The following TTC28 variants were observed in gnomAD, a reference collection of about 807,000 sequenced individuals.
TTC28 encodes tetratricopeptide repeat domain 28.
Under a neutral mutation model 198.0 loss-of-function variants are expected in TTC28, and 61 were observed. The ratio of observed to expected loss-of-function variants is 0.31; its 90% CI spans 0.25 to 0.38. The LOEUF (loss-of-function observed/expected upper bound fraction) is 0.38, where lower values mean the gene tolerates loss of function less well. TTC28 is among the 10% of genes least tolerant of loss of function. The pLI, the probability that TTC28 is intolerant of heterozygous loss-of-function variation, is 1.00. For missense variants in TTC28, 2,678 were observed against 3,164.0 expected (o/e 0.85, Z 3.69); for synonymous variants, 1,171 against 1,297.8 (o/e 0.90, Z 2.10).
chr22:28,452,271 T>C (rs1011568945), intron 2 of TTC28, among the ~76,000 whole-genome samples: 2 of 151,212 alleles, frequency 1.3e-5, no homozygotes, highest in Non-Finnish European at 2.9e-5. Flanking sequence ...GCACCTGTAG[T>C]CCCAGCTACC....
At chr22:28,397,560 A>G (rs2146089796) in intron 2 of TTC28, among the ~76,000 whole-genome samples, 1 of 152,272 alleles carries the variant, frequency 6.6e-6, no homozygotes, top group East Asian at 1.9e-4. Context: ...TAGTATACAA[A>G]CCACGGATGC....
chr22:28,350,362 T>C (rs2045973071), intron 2 of TTC28, among the ~76,000 whole-genome samples: 1 of 152,232 alleles, frequency 6.6e-6, no homozygotes, highest in Non-Finnish European at 1.5e-5. Flanking sequence ...TTTTAGCTTT[T>C]TTCAAGGACT....
chr22:28,147,937 T>C (rs1002265701), intron 6 of TTC28, among the ~76,000 whole-genome samples: 2 of 152,220 alleles, frequency 1.3e-5, no homozygotes, highest in African/African-American at 4.8e-5. Context: ...AGACTAGATG[T>C]TAAATACAGA....
intron 12 of TTC28, among the ~76,000 whole-genome samples, chr22:28,068,074 T>C (rs1416619924): frequency 6.6e-6 from 1 of 152,174 alleles, no homozygotes; most frequent in Admixed American, 6.5e-5. Context: ...AATACTGTTA[T>C]ACACCCCAGG....
intron 2 of TTC28, among the ~76,000 whole-genome samples, chr22:28,554,111 A>G (rs1601559285): frequency 6.6e-6 from 1 of 152,210 alleles, no homozygotes; most frequent in East Asian, 1.9e-4. Flanking sequence ...TGCTGTGTCC[A>G]CTCAGGGTTA....
At chr22:28,030,793 T>G (rs1216952789) in intron 12 of TTC28, among the ~76,000 whole-genome samples, 1 of 152,246 alleles carries the variant, frequency 6.6e-6, no homozygotes, top group African/African-American at 2.4e-5. Context: ...GTCCAGTCCA[T>G]TCCAGAAACA....
At chr22:28,043,027 C>T (rs1939716578) in intron 12 of TTC28, among the ~76,000 whole-genome samples, 1 of 151,880 alleles carries the variant, frequency 6.6e-6, no homozygotes, top group South Asian at 2.1e-4. Context: ...AGGTGGATCA[C>T]GAGGTCAGGA....
chr22:28,271,076 C>T (rs73882722), intron 5 of TTC28, among the ~76,000 whole-genome samples: 3 of 151,566 alleles, frequency 2.0e-5, no homozygotes, highest in East Asian at 3.9e-4. Flanking sequence ...AGGTAAATTG[C>T]AAAAATCCAA....
chr22:28,052,874 A>T (rs1056726019), intron 12 of TTC28, among the ~76,000 whole-genome samples: 2 of 152,216 alleles, frequency 1.3e-5, no homozygotes, highest in Non-Finnish European at 2.9e-5. Flanking sequence ...GCAAAATCAT[A>T]AAGTCTTCTC....
intron 2 of TTC28, among the ~76,000 whole-genome samples, chr22:28,380,862 A>C (rs998174784): frequency 3.9e-5 from 6 of 152,124 alleles, no homozygotes; most frequent in African/African-American, 1.4e-4. Flanking sequence ...CTTGTGTTGG[A>C]TCTTCCACTA....
At chr22:28,094,283 T>A in intron 11 of TTC28, 38 bp from the exon 12 acceptor site, 1 of 1,491,700 alleles carries the variant, frequency 6.7e-7, no homozygotes, top group East Asian at 2.5e-5. Context: ...TATACACAAT[T>A]AGGGTCAGAG....
At chr22:28,134,620 A>C (rs976111093) in intron 6 of TTC28, among the ~76,000 whole-genome samples, 1 of 152,236 alleles carries the variant, frequency 6.6e-6, no homozygotes, top group Non-Finnish European at 1.5e-5. Context: ...CAAATGAATG[A>C]AATGAAGCGA....
At chr22:28,072,688 G>A (rs889038325) in intron 12 of TTC28, among the ~76,000 whole-genome samples, 3 of 152,100 alleles carry the variant, frequency 2.0e-5, no homozygotes, top group African/African-American at 7.2e-5. Context: ...AAAAAATGAT[G>A]CCCCAGCGAA....
At chr22:28,109,778 T>C (rs756775886) in intron 6 of TTC28, among the ~76,000 whole-genome samples, 14 of 152,216 alleles carry the variant, frequency 9.2e-5, no homozygotes, top group Admixed American at 7.8e-4. Flanking sequence ...GGTTTCTCCT[T>C]GCCTTTGGTT....
chr22:28,629,025 C>A (rs531744909), intron 2 of TTC28, among the ~76,000 whole-genome samples: 2 of 152,002 alleles, frequency 1.3e-5, no homozygotes, highest in South Asian at 2.1e-4. Flanking sequence ...GGAGTATGCA[C>A]ACTGAAAATA....
intron 2 of TTC28, among the ~76,000 whole-genome samples, chr22:28,470,638 A>T (rs1231907903): frequency 6.6e-6 from 1 of 152,230 alleles, no homozygotes; most frequent in Non-Finnish European, 1.5e-5. Context: ...ATAACTGCAT[A>T]AACTGAATCA....
chr22:28,360,439 T>C (rs1270420961), intron 2 of TTC28, among the ~76,000 whole-genome samples: 4 of 152,222 alleles, frequency 2.6e-5, no homozygotes, highest in Admixed American at 6.5e-5. Context: ...TTACACAAAT[T>C]TAATATTTTA....
chr22:28,352,333 A>G (rs984393365), intron 2 of TTC28, among the ~76,000 whole-genome samples: 1 of 141,592 alleles, frequency 7.1e-6, no homozygotes, highest in East Asian at 2.1e-4. Context: ...ATATATATAT[A>G]TATCTCCCGG....
intron 2 of TTC28, among the ~76,000 whole-genome samples, chr22:28,499,787 A>C (rs1312161713): frequency 6.6e-6 from 1 of 152,164 alleles, no homozygotes; most frequent in African/African-American, 2.4e-5. Flanking sequence ...TAATCTTTTT[A>C]ATATTTTTGT....
Sources: gnomAD v4.1 joint callset for allele counts (sites outside exome capture counted in the v4.1 genomes callset) on GRCh38, gnomAD v4.1.1 for gene constraint, MANE v1.5 for transcripts, NCBI Gene and HGNC (gene_info 2026-07-23, HGNC 2026-07-21) for gene names.